BIN3: variants seen among roughly 807,000 people sequenced by gnomAD.
The protein encoded by BIN3 is bridging integrator 3.
BIN3 carries 41 observed loss-of-function variants against 38.2 expected under a neutral mutation model. That is an observed-to-expected ratio of 1.07 (90% CI 0.84 to 1.39). The LOEUF (loss-of-function observed/expected upper bound fraction) is 1.39, where lower values mean the gene tolerates loss of function less well. Among genes scored for constraint, BIN3 ranks in the 40% most tolerant of loss-of-function variants. The pLI is 0.00. For missense variants in BIN3, 361 were observed against 324.3 expected, an observed-to-expected ratio of 1.11 and a Z score of -0.87; for synonymous variants, 145 against 122.6, an observed-to-expected ratio of 1.18 and a Z score of -1.21.
At chr8:22,645,343 G>A (rs1022262253) in intron 1 of BIN3, among the ~76,000 whole-genome samples, 3 of 151,958 alleles carry the variant, frequency 2.0e-5, no homozygotes, top group South Asian at 2.1e-4. Flanking sequence ...TTAGCCGGGC[G>A]TGGTGGCACA....
intron 1 of BIN3, among the ~76,000 whole-genome samples, chr8:22,666,842 T>G (rs770256489): frequency 4.6e-5 from 7 of 152,206 alleles, no homozygotes; most frequent in Non-Finnish European, 8.8e-5. Flanking sequence ...AACTTGACCT[T>G]GGGCATCAGC....
At chr8:22,667,640 A>C (rs1189965433) in intron 1 of BIN3, among the ~76,000 whole-genome samples, 1 of 152,216 alleles carries the variant, frequency 6.6e-6, no homozygotes, top group Non-Finnish European at 1.5e-5. Context: ...CTAGGTTATA[A>C]CAAGACAGGG....
chr8:22,630,092 GAAGTCTA>G, intron 5 of BIN3, 88 bp from the exon 6 acceptor site: 1 of 1,342,160 alleles, frequency 7.5e-7, no homozygotes, highest in African/African-American at 1.4e-5. Context: ...AAAGGGCTAG[GAAGTCTA>G]AAGGGCCACA....
intron 1 of BIN3, among the ~76,000 whole-genome samples, chr8:22,666,395 C>T (rs929959964): frequency 4.6e-3 from 22 of 4,832 alleles, no homozygotes; most frequent in South Asian, 3.8e-3. Context: ...GGGCAAATGG[C>T]GGGGGGAGGT....
chr8:22,646,898 T>C (rs188772752), intron 1 of BIN3, among the ~76,000 whole-genome samples: 4 of 147,640 alleles, frequency 2.7e-5, no homozygotes, highest in African/African-American at 5.4e-5. Context: ...AATGAGGTCC[T>C]GGTGGCAAGG....
chr8:22,651,928 C>G (rs1360070421), intron 1 of BIN3, among the ~76,000 whole-genome samples: 2 of 149,276 alleles, frequency 1.3e-5, no homozygotes, highest in African/African-American at 4.9e-5. Context: ...GATGCTGACC[C>G]TCCTTGGCTG....
At chr8:22,636,760 C>T in intron 3 of BIN3, 162 bp downstream of exon 3, 1 of 998,720 alleles carries the variant, frequency 1.0e-6, no homozygotes, top group East Asian at 2.6e-5. Flanking sequence ...ATGACTCTCA[C>T]ATGGCCATTG....
At chr8:22,651,428 TTCCTTTGACTTC>T (rs1802887490) in intron 1 of BIN3, among the ~76,000 whole-genome samples, 1 of 152,230 alleles carries the variant, frequency 6.6e-6, no homozygotes, top group African/African-American at 2.4e-5. Context: ...CTTTCTGGGA[TTCCTTTGACTTC>T]TCTTTCATGA....
intron 1 of BIN3, among the ~76,000 whole-genome samples, chr8:22,667,644 G>A (rs987646244): frequency 6.6e-6 from 1 of 152,182 alleles, no homozygotes; most frequent in African/African-American, 2.4e-5. Context: ...GTTATAACAA[G>A]ACAGGGAAGG....
intron 2 of BIN3, among the ~76,000 whole-genome samples, chr8:22,642,801 C>A (rs1802604653): frequency 6.6e-6 from 1 of 152,188 alleles, no homozygotes; most frequent in Non-Finnish European, 1.5e-5. Flanking sequence ...CTGCCAGCCT[C>A]CCAAACCTAG....
Position 22,655,773 on chromosome 8 carries a change from GTTTA to G in BIN3, c.9-10974_9-10971del, listed in dbSNP as rs769097569. 1.1e-3 allele frequency among the ~76,000 whole-genome samples: 173 copies of G among 152,220 alleles called. 1 individual carries two copies. Among genetic ancestry groups the G allele is most frequent in the Admixed American group, 1.4e-3 (21 of 15,294 alleles). On this transcript the variant is annotated intron_variant, in intron 1 of 8. Transcript: ENST00000276416. ...TTGCATTTCCACGTGAATTTTAGTG[GTTTA>G]TTTTTTATATTTAAATCTTTGCTGC... is the stretch of plus-strand genomic sequence containing the variant.
intron 1 of BIN3, among the ~76,000 whole-genome samples, chr8:22,646,713 A>G (rs1802724317): frequency 6.6e-6 from 1 of 152,258 alleles, no homozygotes; most frequent in Admixed American, 6.5e-5. Context: ...AAAAGGAAAG[A>G]AAAAATGAAA....
chr8:22,667,324 G>C (rs1803453064), intron 1 of BIN3, among the ~76,000 whole-genome samples: 1 of 152,220 alleles, frequency 6.6e-6, no homozygotes, highest in South Asian at 2.1e-4. Context: ...AACTTTCTGT[G>C]AGACAGGTGG....
At position 22,621,338 on chromosome 8, in the gene BIN3, T is replaced by G; in HGVS notation, c.*84A>C. 14 of 1,499,620 alleles carry G rather than the reference T, an allele frequency of 9.3e-6. No homozygotes were observed. The highest frequency in any genetic ancestry group is 1.3e-5 in the Non-Finnish European group (14 of 1,116,702). 92.9% of individuals were successfully genotyped at this position (1,499,620 alleles called of 1,614,324 possible). On this transcript the variant is annotated 3_prime_UTR_variant, in exon 9 of 9. Coordinates refer to ENST00000276416, the MANE Select transcript of BIN3 (RefSeq NM_018688.6). ...ACCAGGGCCACCTCTGTCCCCAGCC[T>G]GTGAGAGGAGCAGCTAGCCCTGAGA...
At chr8:22,629,117 A>G (rs1260601522) in intron 6 of BIN3, among the ~76,000 whole-genome samples, 1 of 152,244 alleles carries the variant, frequency 6.6e-6, no homozygotes, top group Non-Finnish European at 1.5e-5. Context: ...ACAGCTCAGC[A>G]ATCCGAAACA....
chr8:22,621,149 C>T lies in BIN3; in HGVS notation c.*273G>A, dbSNP rs557632496. On this transcript the variant is annotated 3_prime_UTR_variant, in exon 9 of 9. Transcript: ENST00000276416. ...CAGAAGGGCTGCAGCTTGCTCAGGC[C>T]GTGGGCCAGGATGCATGCTGGACGG... 122 of 416,916 alleles carry T rather than the reference C, an allele frequency of 2.9e-4. No individual in the cohort carries two copies. The highest frequency in any genetic ancestry group is 1.9e-3 in the African/African-American group (92 of 49,402). 25.8% of individuals were successfully genotyped at this position (416,916 alleles called of 1,614,324 possible). A position where few individuals can be genotyped will look rare whatever the true frequency, so the allele number is the denominator to read the frequency against.
chr8:22,645,156 C>A (rs1336887173), intron 1 of BIN3, among the ~76,000 whole-genome samples: 1 of 147,816 alleles, frequency 6.8e-6, no homozygotes, highest in Non-Finnish European at 1.5e-5. Context: ...CAGAGCAAGA[C>A]CCTATCTCCA....
At chr8:22,624,433 T>C in intron 6 of BIN3, 70 bp from the exon 7 acceptor site, 1 of 1,560,354 alleles carries the variant, frequency 6.4e-7, no homozygotes, top group Non-Finnish European at 8.7e-7. Context: ...GGGTCTGCTC[T>C]TGGAGGGGTG....
intron 2 of BIN3, 136 bp downstream of exon 2, chr8:22,644,619 G>T: frequency 1.3e-6 from 1 of 788,320 alleles, no homozygotes; most frequent in Non-Finnish European, 2.1e-6. Context: ...TGAGGTTCTA[G>T]ATCCGCATAA....
Sources: allele counts gnomAD v4.1 joint callset (sites outside exome capture counted in the v4.1 genomes callset), GRCh38; gene constraint gnomAD v4.1.1; transcripts MANE v1.5; gene names NCBI Gene and HGNC (gene_info 2026-07-23, HGNC 2026-07-21).